The following ANKS1B variants were observed in gnomAD, a reference collection of about 807,000 sequenced individuals.
ANKS1B encodes the protein ankyrin repeat and sterile alpha motif domain containing 1B, also known as ankyrin repeat and sterile alpha motif domain-containing protein 1B.
A neutral mutation model predicts 148.3 loss-of-function variants in ANKS1B; 36 were observed. The observed-to-expected ratio is 0.24, with a 90% CI of 0.19 to 0.32. The LOEUF (loss-of-function observed/expected upper bound fraction) is 0.32. Ranked by LOEUF, ANKS1B falls within the 10% of genes least tolerant of loss-of-function variation. ANKS1B has a pLI of 1.00. For missense variants in ANKS1B, 1,157 were observed against 1,542.6 expected, an observed-to-expected ratio of 0.75 and a Z score of 4.19; for synonymous variants, 542 against 560.8, an observed-to-expected ratio of 0.97 and a Z score of 0.47.
chr12:99,873,761 C>G (rs2091790413), intron 1 of ANKS1B, among the ~76,000 whole-genome samples: 1 of 152,110 alleles, frequency 6.6e-6, no homozygotes, highest in Non-Finnish European at 1.5e-5. Context: ...GAGAATAACA[C>G]TAAATCAGTA....
At chr12:98,813,930 G>C (rs2099118127) in intron 19 of ANKS1B, among the ~76,000 whole-genome samples, 1 of 151,880 alleles carries the variant, frequency 6.6e-6, no homozygotes, top group Non-Finnish European at 1.5e-5. Flanking sequence ...ACCCAGGCTG[G>C]AGTGCAGTAG....
At chr12:99,670,213 CATATTA>C (rs2153466113) in intron 8 of ANKS1B, among the ~76,000 whole-genome samples, 1 of 152,244 alleles carries the variant, frequency 6.6e-6, no homozygotes, top group African/African-American at 2.4e-5. Context: ...ATCCCTCAAA[CATATTA>C]ATATTCTCTT....
intron 12 of ANKS1B, among the ~76,000 whole-genome samples, chr12:99,356,240 C>T (rs1420532657): frequency 1.3e-5 from 2 of 152,276 alleles, no homozygotes; most frequent in East Asian, 3.9e-4. Flanking sequence ...GAATGGCAGG[C>T]ACTGAATAGA....
chr12:99,153,466 C>T (rs937553013), intron 15 of ANKS1B, among the ~76,000 whole-genome samples: 6 of 152,140 alleles, frequency 3.9e-5, no homozygotes, highest in Admixed American at 2.0e-4. Context: ...CGTAGCTTAA[C>T]AAGGGGAACT....
intron 17 of ANKS1B, among the ~76,000 whole-genome samples, chr12:98,877,941 C>A (rs2099695621): frequency 1.3e-5 from 2 of 152,206 alleles, no homozygotes; most frequent in Middle Eastern, 6.8e-3. Flanking sequence ...GAAGGATGTG[C>A]AAGACTCAGT....
chr12:99,077,923 T>C (rs564578063), intron 16 of ANKS1B, among the ~76,000 whole-genome samples: 1 of 152,348 alleles, frequency 6.6e-6, no homozygotes, highest in African/African-American at 2.4e-5. Context: ...TCTTCATCTA[T>C]GACATAGGGG....
At chr12:99,024,700 G>A (rs2099947764) in intron 17 of ANKS1B, among the ~76,000 whole-genome samples, 1 of 152,142 alleles carries the variant, frequency 6.6e-6, no homozygotes, top group Admixed American at 6.5e-5. Flanking sequence ...GCTGTAAAGA[G>A]ACCGCCCTTC....
At chr12:99,434,359 T>G (rs1255639104) in intron 11 of ANKS1B, among the ~76,000 whole-genome samples, 3 of 152,174 alleles carry the variant, frequency 2.0e-5, no homozygotes, top group Non-Finnish European at 4.4e-5. Context: ...TGCATTCTTT[T>G]ATTTAATTAC....
At chr12:99,774,260 C>A (rs540738805) in intron 7 of ANKS1B, among the ~76,000 whole-genome samples, 2 of 152,080 alleles carry the variant, frequency 1.3e-5, no homozygotes, top group South Asian at 4.1e-4. Context: ...GTGCAAAATA[C>A]ATAAGGAATT....
At chr12:99,173,405 G>A (rs2078013462) in intron 14 of ANKS1B, among the ~76,000 whole-genome samples, 1 of 151,924 alleles carries the variant, frequency 6.6e-6, no homozygotes, top group South Asian at 2.1e-4. Flanking sequence ...TGTTTCTTTG[G>A]GTAAAGTGGG....
chr12:99,404,113 G>T (rs2094476712), intron 11 of ANKS1B, among the ~76,000 whole-genome samples: 1 of 146,018 alleles, frequency 6.8e-6, no homozygotes, highest in South Asian at 2.1e-4. Context: ...ACTTATATGT[G>T]GGAGCTAAAT....
At chr12:99,414,165 T>C (rs1261268684) in intron 11 of ANKS1B, among the ~76,000 whole-genome samples, 3 of 152,070 alleles carry the variant, frequency 2.0e-5, no homozygotes, top group African/African-American at 7.2e-5. Context: ...GGTTGAAACA[T>C]ATGAAACTGC....
At chr12:99,797,234 T>TA (rs907994855) in intron 4 of ANKS1B, among the ~76,000 whole-genome samples, 22 of 151,640 alleles carry the variant, frequency 1.5e-4, no homozygotes, top group African/African-American at 3.9e-4. Flanking sequence ...AAGTAAGATT[T>TA]AAAAAAAAAT....
At chr12:98,975,615 C>T (rs914941961) in intron 17 of ANKS1B, among the ~76,000 whole-genome samples, 21 of 152,032 alleles carry the variant, frequency 1.4e-4, no homozygotes, top group Middle Eastern at 3.4e-3. Flanking sequence ...AAAAATGCTA[C>T]GAAGGGAAAG....
At chr12:99,505,451 T>C in intron 9 of ANKS1B, among the ~76,000 whole-genome samples, 1 of 152,014 alleles carries the variant, frequency 6.6e-6, no homozygotes, top group Non-Finnish European at 1.5e-5. Flanking sequence ...GGTACTCTTT[T>C]CAGGTTAGGA....
intron 14 of ANKS1B, among the ~76,000 whole-genome samples, chr12:99,237,291 G>A (rs1004391690): frequency 6.6e-6 from 1 of 151,928 alleles, no homozygotes; most frequent in African/African-American, 2.4e-5. Flanking sequence ...ATTATACCCA[G>A]CTGTATAGGC....
At chr12:99,881,555 C>T (rs760785591) in intron 1 of ANKS1B, among the ~76,000 whole-genome samples, 3 of 152,108 alleles carry the variant, frequency 2.0e-5, no homozygotes, top group African/African-American at 4.8e-5. Flanking sequence ...GGGGATATTG[C>T]GGAGAAAGGG....
At position 99,154,407 on chromosome 12, in the gene ANKS1B, T is replaced by C; in HGVS notation, c.2420-12A>G. 6.2e-7 allele frequency: 1 copy of C among 1,613,750 alleles called. No homozygotes were observed. Among genetic ancestry groups the C allele is most frequent in the Non-Finnish European group, 8.5e-7 (1 of 1,179,742 alleles). ...AGGGCATCTGGGTCCTGTAAGAGGA[T>C]GAAGAGGGAAGCGTTTAAGCAGGGA... On this transcript the variant is annotated splice_polypyrimidine_tract_variant and intron_variant, in intron 14 of 26. Coordinates refer to ENST00000683438, the MANE Select transcript of ANKS1B (RefSeq NM_001352186.2).
At chr12:99,470,183 T>A (rs1408167058) in intron 10 of ANKS1B, among the ~76,000 whole-genome samples, 1 of 151,998 alleles carries the variant, frequency 6.6e-6, no homozygotes, top group Non-Finnish European at 1.5e-5. Flanking sequence ...ATTTCCTAAA[T>A]TGGAGACATG....
Sources: gnomAD v4.1 joint callset for allele counts (sites outside exome capture counted in the v4.1 genomes callset) on GRCh38, gnomAD v4.1.1 for gene constraint, MANE v1.5 for transcripts, NCBI Gene and HGNC (gene_info 2026-07-23, HGNC 2026-07-21) for gene names.